The following THSD7B variants were observed in gnomAD, a reference collection of about 807,000 sequenced individuals.
The protein encoded by THSD7B is thrombospondin type-1 domain-containing protein 7B.
A neutral mutation model predicts 213.6 loss-of-function variants in THSD7B; 138 were observed. The observed-to-expected ratio is 0.65, with a 90% confidence interval of 0.56 to 0.74. The LOEUF is 0.74. Among genes scored for constraint, THSD7B ranks in the 30% least tolerant of loss-of-function variants. The probability of loss-of-function intolerance (pLI) is 0.00; values close to 1 mark genes in which losing one functional copy is unlikely to be tolerated. For missense variants in THSD7B, 1,931 were observed against 1,991.5 expected, an observed-to-expected ratio of 0.97 and a Z score of 0.58; for synonymous variants, 742 against 687.0, an observed-to-expected ratio of 1.08 and a Z score of -1.25.
intron 15 of THSD7B, among the ~76,000 whole-genome samples, chr2:137,552,373 G>C (rs951035279): frequency 1.5e-4 from 23 of 152,178 alleles, no homozygotes; most frequent in African/African-American, 5.3e-4. Flanking sequence ...TAAATGGGCA[G>C]AGCCTGTGCA....
chr2:137,299,487 C>T (rs559110595), intron 12 of THSD7B, among the ~76,000 whole-genome samples: 2 of 151,780 alleles, frequency 1.3e-5, no homozygotes, highest in Admixed American at 1.3e-4. Context: ...TGGGAGGGGC[C>T]GGGGTGGAGT....
intron 2 of THSD7B, among the ~76,000 whole-genome samples, chr2:136,917,708 C>A (rs1460664592): frequency 6.6e-6 from 1 of 152,182 alleles, no homozygotes; most frequent in African/African-American, 2.4e-5. Context: ...GTCTATGTAA[C>A]CCGAGCCATA....
intron 2 of THSD7B, among the ~76,000 whole-genome samples, chr2:136,927,299 G>T (rs1229786554): frequency 8.1e-6 from 1 of 123,614 alleles, no homozygotes; most frequent in Non-Finnish European, 1.8e-5. Context: ...TACCTGCTGA[G>T]TGAGCTGGAC....
chr2:137,095,436 A>G (rs921736365), intron 4 of THSD7B, among the ~76,000 whole-genome samples: 1 of 152,222 alleles, frequency 6.6e-6, no homozygotes, highest in African/African-American at 2.4e-5. Context: ...ACCATTAGCT[A>G]TTATTACCTG....
intron 12 of THSD7B, among the ~76,000 whole-genome samples, chr2:137,389,950 G>T (rs1468618879): frequency 6.6e-6 from 1 of 152,084 alleles, no homozygotes; most frequent in Non-Finnish European, 1.5e-5. Context: ...ATACCAATGA[G>T]ATGATGTTTG....
At chr2:137,382,214 C>G (rs1257512397) in intron 12 of THSD7B, among the ~76,000 whole-genome samples, 1 of 152,190 alleles carries the variant, frequency 6.6e-6, no homozygotes, top group Non-Finnish European at 1.5e-5. Context: ...TGCTATATGC[C>G]TAGCCCCACT....
At chr2:137,378,950 A>G (rs1053033866) in intron 12 of THSD7B, among the ~76,000 whole-genome samples, 4 of 151,876 alleles carry the variant, frequency 2.6e-5, no homozygotes, top group Non-Finnish European at 5.9e-5. Context: ...TTGTGATTTT[A>G]TTTTATCCAT....
At chr2:137,340,464 T>C (rs1201968096) in intron 12 of THSD7B, among the ~76,000 whole-genome samples, 1 of 151,904 alleles carries the variant, frequency 6.6e-6, no homozygotes, top group Non-Finnish European at 1.5e-5. Context: ...GGTAAGAACA[T>C]AGTATTTGAA....
intron 7 of THSD7B, among the ~76,000 whole-genome samples, chr2:137,188,280 C>G (rs377499396): frequency 6.6e-6 from 1 of 152,162 alleles, no homozygotes; most frequent in South Asian, 2.1e-4. Context: ...CTCCTTCTCC[C>G]TCTCTATTTA....
intron 2 of THSD7B, among the ~76,000 whole-genome samples, chr2:136,994,382 C>G (rs1013880641): frequency 6.6e-6 from 1 of 151,998 alleles, no homozygotes; most frequent in South Asian, 2.1e-4. Context: ...CTGGCTAACA[C>G]GGTGAAACCC....
intron 1 of THSD7B, among the ~76,000 whole-genome samples, chr2:136,767,212 TACTA>T (rs1434114788): frequency 6.6e-6 from 1 of 152,202 alleles, no homozygotes; most frequent in Non-Finnish European, 1.5e-5. Context: ...CTTAGGGTGT[TACTA>T]ACCAAATCAA....
rs1420272365 is a variant in THSD7B, at chr2:136,830,386, C to G, written c.-35-51758C>G. 3.4e-5 allele frequency among the ~76,000 whole-genome samples: 5 copies of G among 145,528 alleles called. No homozygotes were observed. In the Admixed American group the frequency reaches 3.5e-4, roughly 10 times the overall value. ...GAATAAAATGAGAAAATTAACCAAA[C>G]AAATAAGTTAGGCCCCCAGTGATCC... On this transcript the variant is annotated intron_variant, in intron 1 of 27. Coordinates refer to ENST00000409968, the MANE Select transcript of THSD7B (RefSeq NM_001316349.2).
intron 12 of THSD7B, among the ~76,000 whole-genome samples, chr2:137,343,965 T>TA (rs560097879): frequency 2.1e-4 from 32 of 151,722 alleles, no homozygotes; most frequent in African/African-American, 6.3e-4. Context: ...TGAAATGGCC[T>TA]AAAAAAATAA....
In THSD7B at chr2:137,275,987, G is replaced by A. The variant is rs145828374; in HGVS notation, c.2461G>A (p.Gly821Ser). 2 of 1,612,186 alleles carry A rather than the reference G, an allele frequency of 1.2e-6. No homozygotes were observed. Among genetic ancestry groups the A allele is most frequent in the East Asian group, 2.2e-5 (1 of 44,836 alleles). The part of the protein sequence containing the change: ...VPESVWQGIT[G>S]SSEACGKGLQ... The stretch of plus-strand genomic sequence containing the variant: ...AGAGTCTGTCTGGCAGGGAATAACG[G>A]GCAGCAGTGAAGCCTGTGGAAAGGG... Residue 821 changes from glycine (G) to serine (S), a missense_variant, in exon 12 of 28, where the codon GGC becomes AGC. Coordinates refer to ENST00000409968, the MANE Select transcript of THSD7B (RefSeq NM_001316349.2).
At chr2:137,291,135 C>T (rs1036964014) in intron 12 of THSD7B, among the ~76,000 whole-genome samples, 3 of 152,166 alleles carry the variant, frequency 2.0e-5, no homozygotes, top group African/African-American at 7.2e-5. Context: ...TACCCATAAT[C>T]TACAAACGCT....
At chr2:136,844,462 CAGAGAGAGAGAG>C (rs56716402) in intron 1 of THSD7B, among the ~76,000 whole-genome samples, 5 of 142,518 alleles carry the variant, frequency 3.5e-5, no homozygotes, top group African/African-American at 1.0e-4. Context: ...CCACCCAAAA[CAGAGAGAGAGAG>C]AGAGAGAGAG....
At chr2:136,850,276 T>A (rs1333231563) in intron 1 of THSD7B, among the ~76,000 whole-genome samples, 7 of 146,564 alleles carry the variant, frequency 4.8e-5, no homozygotes, top group Non-Finnish European at 7.5e-5. Flanking sequence ...ATTTATCCAT[T>A]CTTTTCTGAA....
At chr2:137,547,795 A>T (rs1680770541) in intron 15 of THSD7B, among the ~76,000 whole-genome samples, 1 of 151,920 alleles carries the variant, frequency 6.6e-6, no homozygotes, top group African/African-American at 2.4e-5. Context: ...ATACGTAAGA[A>T]CTCTGATGTG....
chr2:137,196,333 T>G (rs540502749), intron 7 of THSD7B, among the ~76,000 whole-genome samples: 4 of 151,120 alleles, frequency 2.6e-5, no homozygotes, highest in African/African-American at 9.7e-5. Flanking sequence ...CAATAACCTT[T>G]TAATCAAAAC....
Sources: gnomAD v4.1 joint callset for allele counts (sites outside exome capture counted in the v4.1 genomes callset) on GRCh38, gnomAD v4.1.1 for gene constraint, MANE v1.5 for transcripts, NCBI Gene and HGNC (gene_info 2026-07-23, HGNC 2026-07-21) for gene names.